The following FRY variants were observed in gnomAD, a reference collection of about 807,000 sequenced individuals.
The protein encoded by FRY is FRY microtubule binding protein.
In FRY, 128 loss-of-function variants were observed where a neutral mutation model predicts 348.4. The observed-to-expected ratio is 0.37, with a 90% CI of 0.32 to 0.43. The LOEUF is 0.43. FRY is among the 20% of genes least tolerant of loss of function. The pLI, the probability that FRY is intolerant of heterozygous loss-of-function variation, is 1.00. For synonymous variants in FRY, 1,370 were observed against 1,374.7 expected (o/e 1.00, Z 0.08); for missense variants, 2,736 against 3,695.2 (o/e 0.74, Z 6.73).
At chr13:32,110,366 A>G (rs1388307450) in intron 3 of FRY, among the ~76,000 whole-genome samples, 1 of 152,176 alleles carries the variant, frequency 6.6e-6, no homozygotes, top group Non-Finnish European at 1.5e-5. Flanking sequence ...ATAAAAGTCC[A>G]CAGCATTTTA....
intron 51 of FRY, chr13:32,258,073 A>G: frequency 2.2e-6 from 2 of 906,850 alleles, no homozygotes; most frequent in Non-Finnish European, 3.7e-6. Flanking sequence ...TCCAGAATAT[A>G]TATGCTTATT....
rs753753352 is a variant in FRY at position 32,186,438 on chromosome 13, C to T, written c.3480+18C>T. 6 of 1,510,292 alleles carry T rather than the reference C, an allele frequency of 4.0e-6. No individual in the cohort carries two copies. The South Asian group carries it at 4.5e-5, about 11-fold the overall frequency. 93.6% of individuals were successfully genotyped at this position (1,510,292 alleles called of 1,614,324 possible). ...CATTAAAAGTAGGTGATATTGTACT[C>T]ACGAATGACTGAGTCAGATGGATGG... On this transcript the variant is annotated intron_variant, in intron 27 of 60. Coordinates refer to ENST00000542859, the MANE Select transcript of FRY (RefSeq NM_023037.3).
Position 32,163,334 on chromosome 13 carries a change from C to A in FRY, c.1892+2083C>A, listed in dbSNP as rs535247453. Among the ~76,000 whole-genome samples the A allele has an allele frequency of 4.6e-5, 7 of 152,324 alleles. No individual in the cohort carries two copies. The South Asian group carries it at 1.2e-3, about 27-fold the overall frequency. ...GGGAAGAAAACAATCCTCTAAAAGC[C>A]TGAACTTCATTTCCTTCATTCCTTT... On this transcript the variant is annotated intron_variant, in intron 17 of 60. Transcript: ENST00000542859.
intron 1 of FRY, among the ~76,000 whole-genome samples, chr13:32,049,860 A>T (rs911646457): frequency 6.6e-6 from 1 of 152,186 alleles, no homozygotes; most frequent in African/African-American, 2.4e-5. Context: ...AACATGCATG[A>T]TTATGTAGCT....
intron 36 of FRY, among the ~76,000 whole-genome samples, chr13:32,223,567 G>T (rs751908286): frequency 6.6e-6 from 1 of 151,992 alleles, no homozygotes; most frequent in Admixed American, 6.6e-5. Flanking sequence ...CTTGAGTCCA[G>T]GAGTTCGAGA....
At chr13:32,141,082 TC>T (rs1337938377) in intron 11 of FRY, among the ~76,000 whole-genome samples, 2 of 152,166 alleles carry the variant, frequency 1.3e-5, no homozygotes, top group Non-Finnish European at 2.9e-5. Flanking sequence ...CTGTTTCAGA[TC>T]TACAAAAATA....
intron 36 of FRY, 134 bp downstream of exon 36, chr13:32,218,965 G>A: frequency 1.5e-6 from 1 of 674,480 alleles, no homozygotes; most frequent in Non-Finnish European, 2.7e-6. Flanking sequence ...ATCCACCTAT[G>A]CAGATGAGCA....
intron 2 of FRY, among the ~76,000 whole-genome samples, chr13:32,080,015 C>T (rs1875376279): frequency 6.6e-6 from 1 of 152,154 alleles, no homozygotes; most frequent in South Asian, 2.1e-4. Context: ...AAAAATGACC[C>T]TTACAAGAAT....
chr13:32,296,457 CT>C lies in FRY; in HGVS notation c.*999del. 1 of 152,696 alleles carries C rather than the reference CT, an allele frequency of 6.5e-6. No individual in the cohort carries two copies. Among genetic ancestry groups the C allele is most frequent in the South Asian group, 2.1e-4 (1 of 4,820 alleles). The allele number at this position is 152,696 out of a possible 1,614,324, so 9.5% of individuals were successfully genotyped here. On this transcript the variant is annotated 3_prime_UTR_variant, in exon 61 of 61. Coordinates refer to ENST00000542859, the MANE Select transcript of FRY (RefSeq NM_023037.3). ...GCCATTCTTAAGTTCTCTCCTTAAACTTAATGCTGTCAAGTGTTAGATGTGT... is the reference window on the plus strand; with the variant it reads ...GCCATTCTTAAGTTCTCTCCTTAAACTAATGCTGTCAAGTGTTAGATGTGT...
At chr13:32,198,705 A>G (rs1359137842) in intron 29 of FRY, among the ~76,000 whole-genome samples, 1 of 152,206 alleles carries the variant, frequency 6.6e-6, no homozygotes, top group African/African-American at 2.4e-5. Flanking sequence ...GTCACCCATC[A>G]TTCAACATCA....
chr13:32,138,913 T>C (rs1367854999), intron 11 of FRY, among the ~76,000 whole-genome samples: 5 of 152,164 alleles, frequency 3.3e-5, no homozygotes, highest in African/African-American at 4.8e-5. Flanking sequence ...AGCAGGGAGA[T>C]ACCTCTGAGA....
intron 17 of FRY, among the ~76,000 whole-genome samples, chr13:32,164,518 G>C (rs181478896): frequency 2.0e-5 from 3 of 152,062 alleles, no homozygotes; most frequent in Admixed American, 2.0e-4. Flanking sequence ...ACACATATTA[G>C]TATGTTGCAC....
chr13:32,280,748 T>G (rs758894565), intron 58 of FRY, among the ~76,000 whole-genome samples: 2 of 152,280 alleles, frequency 1.3e-5, no homozygotes, highest in African/African-American at 2.4e-5. Flanking sequence ...CATTGCAGAC[T>G]TTTATGAACA....
chr13:32,087,775 G>T (rs1465908132), intron 2 of FRY, among the ~76,000 whole-genome samples: 1 of 152,124 alleles, frequency 6.6e-6, no homozygotes, highest in East Asian at 1.9e-4. Flanking sequence ...GAAAATATCA[G>T]ATCCTTTCAT....
At chr13:32,040,800 G>T (rs1292673440) in intron 1 of FRY, among the ~76,000 whole-genome samples, 1 of 152,060 alleles carries the variant, frequency 6.6e-6, no homozygotes, top group Non-Finnish European at 1.5e-5. Context: ...GAAATTGCTG[G>T]CATTCTGAAG....
intron 26 of FRY, among the ~76,000 whole-genome samples, 190 bp from the exon 27 acceptor site, chr13:32,186,070 G>T (rs547382766): frequency 6.6e-6 from 1 of 152,304 alleles, no homozygotes; most frequent in Admixed American, 6.5e-5. Context: ...TGGCTGCAAC[G>T]TGAGGACAGG....
chr13:32,254,263 C>T lies in FRY; in HGVS notation c.7285C>T (p.His2429Tyr), dbSNP rs762949807. ...GTGTGGGGATCTGGATCTGCTTGAGCACCAGACAAGCTTGGTATCTTCTGA... is the reference window on the plus strand; with the variant it reads ...GTGTGGGGATCTGGATCTGCTTGAGTACCAGACAAGCTTGGTATCTTCTGA... The part of the protein sequence containing the change: ...SSCGDLDLLE[H>Y]QTSLVSSEDG... The change falls in exon 51 of 61, where the codon CAC becomes TAC. Residue 2429 changes from histidine (H) to tyrosine (Y), a missense_variant. This residue lies in a region of FRY where 789 missense variants were observed against 996.2 expected (regional missense o/e 0.79). Coordinates refer to ENST00000542859, the MANE Select transcript of FRY (RefSeq NM_023037.3). 1 of 1,613,898 alleles carries T rather than the reference C, an allele frequency of 6.2e-7. No individual in the cohort carries two copies. The highest frequency in any genetic ancestry group is 1.7e-5 in the Admixed American group (1 of 59,990).
chr13:32,168,115 T>TG lies in FRY; in HGVS notation c.1893-2891dup, dbSNP rs1229626609. On this transcript the variant is annotated intron_variant, in intron 17 of 60. Transcript: ENST00000542859. ...GAGACTGGCAGGTCCAAAACCTTCA[T>TG]GGGGGGCCAGCAAGCTGGAGATGCA... Among the ~76,000 whole-genome samples, 6 of 152,214 alleles carry TG rather than the reference T, an allele frequency of 3.9e-5. No homozygotes were observed. In the East Asian group the frequency reaches 1.2e-3, roughly 29 times the overall value.
chr13:32,211,372 T>C (rs1884674071), intron 34 of FRY, among the ~76,000 whole-genome samples: 1 of 152,108 alleles, frequency 6.6e-6, no homozygotes, highest in South Asian at 2.1e-4. Context: ...AGGAGGAGAA[T>C]CACTTGAACC....
Sources: gnomAD v4.1 joint callset for allele counts (sites outside exome capture counted in the v4.1 genomes callset) on GRCh38, gnomAD v4.1.1 for gene constraint, gnomAD v4.1.1 regional missense constraint, MANE v1.5 for transcripts, NCBI Gene and HGNC (gene_info 2026-07-23, HGNC 2026-07-21) for gene names.